The following XPO4 variants were observed in gnomAD, a reference collection of about 807,000 sequenced individuals.
XPO4 encodes the protein exportin-4.
In XPO4, 39 loss-of-function variants were observed where a neutral mutation model predicts 143.0. The ratio of observed to expected loss-of-function variants is 0.27; its 90% CI spans 0.21 to 0.36. The LOEUF is 0.36. Among genes scored for constraint, XPO4 ranks in the 10% least tolerant of loss-of-function variants. The probability of loss-of-function intolerance (pLI) is 1.00; values close to 1 mark genes in which losing one functional copy is unlikely to be tolerated. For missense variants in XPO4, 907 were observed against 1,348.0 expected, an observed-to-expected ratio of 0.67 and a Z score of 5.12; for synonymous variants, 439 against 474.0, an observed-to-expected ratio of 0.93 and a Z score of 0.96.
chr13:20,842,104 C>T lies in XPO4; in HGVS notation c.727+791G>A, dbSNP rs540979650. ...TGTTTCATTTAATTCACACAACAAT[C>T]CATACCCCCATTTTACATTTGGAAA... On this transcript the variant is annotated intron_variant, in intron 6 of 22. Coordinates refer to ENST00000255305, the MANE Select transcript of XPO4 (RefSeq NM_022459.5). Among the ~76,000 whole-genome samples, 3 of 152,234 alleles carry T rather than the reference C, an allele frequency of 2.0e-5. No homozygotes were observed. In the South Asian group the frequency reaches 6.2e-4, roughly 32 times the overall value.
chr13:20,810,116 T>C (rs1447264238), intron 9 of XPO4, 149 bp from the exon 10 acceptor site: 2 of 508,826 alleles, frequency 3.9e-6, no homozygotes, highest in Non-Finnish European at 5.6e-6. Context: ...TTCTAAAATC[T>C]TTCTAAGTTC....
At chr13:20,858,018 G>A (rs1450963683) in intron 3 of XPO4, 9 of 980,838 alleles carry the variant, frequency 9.2e-6, no homozygotes, top group African/African-American at 3.5e-5. Flanking sequence ...TGCCAAAAAC[G>A]TTTAACTTGA....
intron 4 of XPO4, among the ~76,000 whole-genome samples, chr13:20,848,031 C>T (rs182161496): frequency 1.8e-4 from 27 of 152,242 alleles, no homozygotes; most frequent in African/African-American, 5.5e-4. Flanking sequence ...ACATAAGGGG[C>T]CTTCCACCCG....
chr13:20,811,133 G>C (rs566899868), intron 9 of XPO4, among the ~76,000 whole-genome samples: 5 of 152,120 alleles, frequency 3.3e-5, no homozygotes, highest in Non-Finnish European at 7.4e-5. Context: ...CTGGAGCAGA[G>C]AGTGATGGGT....
Position 20,843,903 on chromosome 13 carries a change from A to T in XPO4, c.457-17T>A. The T allele has an allele frequency of 6.4e-7, 1 of 1,568,936 alleles. No individual in the cohort carries two copies. The highest frequency in any genetic ancestry group is 8.8e-7 in the Non-Finnish European group (1 of 1,141,234). ...CAGAGTTTGCTGTAATTATTTGATA[A>T]GAAATAATTGTGAGGCATTACTGTT... On this transcript the variant is annotated splice_polypyrimidine_tract_variant and intron_variant, in intron 4 of 22. Coordinates refer to ENST00000255305, the MANE Select transcript of XPO4 (RefSeq NM_022459.5).
At chr13:20,815,669 T>C (rs890613940) in intron 9 of XPO4, among the ~76,000 whole-genome samples, 1 of 152,188 alleles carries the variant, frequency 6.6e-6, no homozygotes. Flanking sequence ...TATGTAAACA[T>C]AAATAACGTG....
Position 20,796,782 on chromosome 13 carries a change from C to A in XPO4, c.2598G>T (p.Gln866His). 6.2e-7 allele frequency: 1 copy of A among 1,611,564 alleles called. No individual in the cohort carries two copies. The highest frequency in any genetic ancestry group is 1.3e-5 in the African/African-American group (1 of 74,964). ...TGCTTACCTCTCCAAGATAGCATAT[C>A]TGTTTATGTGCAACTTCAACAAAAA... ...IEVFVEVAHKQICYLGESKAM... is the reference protein window; with the variant it reads ...IEVFVEVAHKHICYLGESKAM... The change falls in exon 17 of 23, where the codon CAG becomes CAT. Residue 866 changes from glutamine to histidine, a missense_variant. Coordinates refer to ENST00000255305, the MANE Select transcript of XPO4 (RefSeq NM_022459.5).
intron 1 of XPO4, among the ~76,000 whole-genome samples, chr13:20,885,730 G>C (rs1199690754): frequency 2.6e-5 from 4 of 152,098 alleles, no homozygotes; most frequent in Non-Finnish European, 5.9e-5. Context: ...CATGAGGTCA[G>C]GAGCTCAAGA....
In XPO4 at chr13:20,783,872, G is replaced by A. The variant is rs377049355; in HGVS notation, c.3306C>T (p.Asp1102=). ...LVETLLSSQQ[D]PVIYQRLADA... ...CTGCTAATCTCTGGTAAATAACTGG[G>A]TCTTGCTGACTTGATAGTAATGTTT... The change falls in exon 23 of 23, where the codon GAC becomes GAT. Residue 1102 remains aspartate (D), a synonymous_variant. Coordinates refer to ENST00000255305, the MANE Select transcript of XPO4 (RefSeq NM_022459.5). 5 of 1,614,148 alleles carry A rather than the reference G, an allele frequency of 3.1e-6. No individual in the cohort carries two copies. The highest frequency in any genetic ancestry group is 4.2e-6 in the Non-Finnish European group (5 of 1,180,032).
In XPO4 at chr13:20,855,759, T is replaced by C. The variant is rs752026237; in HGVS notation, c.324A>G (p.Gln108=). 1 of 1,589,560 alleles carries C rather than the reference T, an allele frequency of 6.3e-7. No individual in the cohort carries two copies. Among genetic ancestry groups the C allele is most frequent in the South Asian group, 1.2e-5 (1 of 85,966 alleles). ...LTYVLQRPNL[Q]KYVREQILLA... is the part of the protein sequence containing the mutation. ...GTAGAATCTGTTCCCGAACATACTT[T>C]TGAAGGCTGTAAAACATAAAAATCA... The change falls in exon 4 of 23, where the codon CAA becomes CAG. Residue 108 remains glutamine (Q), a synonymous_variant. Transcript: ENST00000255305.
intron 4 of XPO4, chr13:20,849,783 A>G (rs2060064985): frequency 1.0e-6 from 1 of 985,278 alleles, no homozygotes; most frequent in Non-Finnish European, 1.2e-6. Flanking sequence ...AGAAAGCCTA[A>G]TGTGTTGGTT....
chr13:20,826,131 A>G (rs1264012029), intron 7 of XPO4, among the ~76,000 whole-genome samples: 1 of 152,192 alleles, frequency 6.6e-6, no homozygotes, highest in Non-Finnish European at 1.5e-5. Flanking sequence ...TATAACTGCA[A>G]ATTAGCATCC....
At chr13:20,835,429 T>C (rs1209341251) in intron 6 of XPO4, among the ~76,000 whole-genome samples, 1 of 152,194 alleles carries the variant, frequency 6.6e-6, no homozygotes, top group East Asian at 1.9e-4. Flanking sequence ...AAATCAGCAC[T>C]TAATAGCTAA....
chr13:20,825,141 A>G (rs895293987), intron 7 of XPO4, among the ~76,000 whole-genome samples: 6 of 152,316 alleles, frequency 3.9e-5, no homozygotes, highest in Non-Finnish European at 8.8e-5. Flanking sequence ...TAGGAAGAAA[A>G]CACAATGAAA....
rs1344018288 is a variant in XPO4 at position 20,809,884 on chromosome 13, A to G, written c.1257T>C (p.His419=). 7 of 1,613,920 alleles carry G rather than the reference A, an allele frequency of 4.3e-6. No homozygotes were observed. The South Asian group carries it at 7.7e-5, about 18-fold the overall frequency. Residue 419 remains histidine (H), a synonymous_variant, in exon 10 of 23, where the codon CAT becomes CAC. Transcript: ENST00000255305. ...SWLTLVQDDK[H]FHKGFFTQHA... ...GTTGGGTAAAAAAGCCTTTATGGAA[A>G]TGTTTGTCATCTTGAACCAAAGTTA... is the stretch of plus-strand genomic sequence containing the variant.
At chr13:20,792,456 G>A (rs2059296560) in intron 18 of XPO4, among the ~76,000 whole-genome samples, 1 of 152,058 alleles carries the variant, frequency 6.6e-6, no homozygotes, top group Admixed American at 6.5e-5. Flanking sequence ...ATAGTCCCAG[G>A]TACTTGGGAG....
chr13:20,897,843 G>C (rs768324036), intron 1 of XPO4, among the ~76,000 whole-genome samples: 4 of 152,090 alleles, frequency 2.6e-5, no homozygotes, highest in Non-Finnish European at 4.4e-5. Context: ...TGCCTCCTGG[G>C]GTCAAGTGAT....
chr13:20,823,213 T>C (rs1052841461), intron 7 of XPO4, among the ~76,000 whole-genome samples: 3 of 152,208 alleles, frequency 2.0e-5, no homozygotes, highest in Non-Finnish European at 4.4e-5. Flanking sequence ...CTCTCTCTAT[T>C]TTGTAAATGT....
intron 4 of XPO4, chr13:20,851,408 C>T (rs934672622): frequency 1.0e-6 from 1 of 985,304 alleles, no homozygotes; most frequent in Non-Finnish European, 1.2e-6. Context: ...TAGTTCTCAG[C>T]CCTGGTATTA....
Sources: allele counts gnomAD v4.1 joint callset (sites outside exome capture counted in the v4.1 genomes callset), GRCh38; gene constraint gnomAD v4.1.1; transcripts MANE v1.5; gene names NCBI Gene and HGNC (gene_info 2026-07-23, HGNC 2026-07-21).